Variants in QTGAL observed in about 807,000 individuals in gnomAD.
QTGAL encodes queuosine-tRNA galactosyltransferase.
the QTGAL span, chr17:82,960,238 C>G: frequency 6.6e-6 from 1 of 152,312 alleles, no homozygotes; most frequent in African/African-American, 2.4e-5. Context: ...CTTAGACCCC[C>G]TGGGGAGCTG....
the QTGAL span, among the ~76,000 whole-genome samples, chr17:83,038,787 A>T: frequency 1.2e-4 from 18 of 151,970 alleles, no homozygotes; most frequent in Non-Finnish European, 4.4e-5. Flanking sequence ...AGAACCTGGG[A>T]GGTGGAGCTT....
the QTGAL span, among the ~76,000 whole-genome samples, chr17:82,996,135 G>A: frequency 4.6e-5 from 7 of 152,198 alleles, no homozygotes; most frequent in Admixed American, 1.3e-4. Flanking sequence ...TCACGGATTC[G>A]AAGAACGACT....
the QTGAL span, among the ~76,000 whole-genome samples, chr17:83,032,244 G>A: frequency 6.3e-5 from 4 of 63,716 alleles, 1 homozygote; most frequent in South Asian, 4.3e-4. Context: ...GCTGAACAAC[G>A]GGTCAGACCA....
At chr17:83,046,989 C>T in the QTGAL span, among the ~76,000 whole-genome samples, 1 of 152,230 alleles carries the variant, frequency 6.6e-6, no homozygotes, top group Non-Finnish European at 1.5e-5. Flanking sequence ...AACCTGACTC[C>T]ATTCACATGA....
chr17:82,951,942 A>G, the QTGAL span, among the ~76,000 whole-genome samples: 46 of 151,880 alleles, frequency 3.0e-4, no homozygotes, highest in African/African-American at 1.0e-3. Context: ...ACAGTTTGAC[A>G]TATTGCGAGA....
the QTGAL span, chr17:82,942,478 C>T: frequency 6.2e-7 from 1 of 1,613,952 alleles, no homozygotes; most frequent in Non-Finnish European, 8.5e-7. Context: ...AGTCCTGGAG[C>T]CCATACCTCA....
chr17:82,990,818 G>C, the QTGAL span, among the ~76,000 whole-genome samples: 24 of 152,122 alleles, frequency 1.6e-4, no homozygotes, highest in African/African-American at 5.6e-4. Context: ...ACTGGGATCA[G>C]TGTCTTTATA....
chr17:82,970,011 C>T, the QTGAL span, among the ~76,000 whole-genome samples: 2 of 152,210 alleles, frequency 1.3e-5, no homozygotes, highest in Non-Finnish European at 2.9e-5. Context: ...TTGCTACCAC[C>T]AAGGAAACTC....
At chr17:83,005,702 G>C in the QTGAL span, 1 of 706,326 alleles carries the variant, frequency 1.4e-6, no homozygotes, top group East Asian at 2.7e-5. The surrounding 1 kb of genome is among the most constrained non-coding windows in gnomAD (Gnocchi z 5.6). Context: ...CTACCAGCTG[G>C]CTTCCTCCAG....
At chr17:83,035,122 ACT>A in the QTGAL span, 6 of 1,593,202 alleles carry the variant, frequency 3.8e-6, no homozygotes, top group East Asian at 1.3e-4. Flanking sequence ...GAAGAGCAAA[ACT>A]CTTTTATAAT....
chr17:83,001,073 T>A, the QTGAL span, among the ~76,000 whole-genome samples: 2 of 152,326 alleles, frequency 1.3e-5, no homozygotes, highest in Admixed American at 1.3e-4. Context: ...AACTGTACAT[T>A]TGAAATAGGG....
the QTGAL span, among the ~76,000 whole-genome samples, chr17:82,986,845 C>T: frequency 6.6e-6 from 1 of 152,264 alleles, no homozygotes; most frequent in African/African-American, 2.4e-5. Context: ...ATTACTCCCA[C>T]AACCTCGCTA....
the QTGAL span, among the ~76,000 whole-genome samples, chr17:83,049,474 TC>T: frequency 6.8e-6 from 1 of 147,034 alleles, no homozygotes; most frequent in Non-Finnish European, 1.5e-5. Context: ...GTGCAGTGGC[TC>T]GATCTCGGCT....
chr17:83,051,710 C>T, the QTGAL span: 1 of 1,473,148 alleles, frequency 6.8e-7, no homozygotes, highest in African/African-American at 1.5e-5. Flanking sequence ...GCCTGCACGG[C>T]GGGGCACCCT....
At chr17:83,051,259 G>C in the QTGAL span, among the ~76,000 whole-genome samples, 17 of 136,498 alleles carry the variant, frequency 1.2e-4, no homozygotes, top group Non-Finnish European at 7.9e-5. Flanking sequence ...TGTGAGGTGC[G>C]GGGGCAGGTG....
the QTGAL span, among the ~76,000 whole-genome samples, chr17:82,971,644 C>CAGAAGGACCTGGTACT: frequency 8.4e-5 from 6 of 71,574 alleles, no homozygotes; most frequent in Non-Finnish European, 1.4e-4. Flanking sequence ...GACCTGGTGC[C>CAGAAGGACCTGGTACT]GACCACACCA....
chr17:83,018,542 G>C, the QTGAL span, among the ~76,000 whole-genome samples: 1 of 152,168 alleles, frequency 6.6e-6, no homozygotes, highest in Non-Finnish European at 1.5e-5. Flanking sequence ...CAAGAAAACG[G>C]AGGTTTGGAA....
the QTGAL span, chr17:82,942,800 C>T: frequency 4.8e-6 from 2 of 420,294 alleles, no homozygotes; most frequent in South Asian, 6.6e-5. Context: ...CTGCACTCCT[C>T]CTGCCTGGAG....
At chr17:83,034,956 G>A in the QTGAL span, 339 of 1,185,410 alleles carry the variant, frequency 2.9e-4, no homozygotes, top group East Asian at 8.5e-4. Flanking sequence ...TTCAAGAACC[G>A]CACTAAAATG....
Sources: gnomAD v4.1 joint callset for allele counts (sites outside exome capture counted in the v4.1 genomes callset) on GRCh38, gnomAD v4.1.1 for gene constraint, Gnocchi (gnomAD v3.1) non-coding constraint, MANE v1.5 for transcripts, NCBI Gene and HGNC (gene_info 2026-07-23, HGNC 2026-07-21) for gene names.